Variants in IPO5 observed in about 807,000 individuals in gnomAD.
IPO5 encodes the protein importin 5, also known as importin-5.
Under a neutral mutation model 143.3 loss-of-function variants are expected in IPO5, and 18 were observed. The ratio of observed to expected loss-of-function variants is 0.13; its 90% CI spans 0.09 to 0.19. IPO5 has a LOEUF of 0.19. Among genes scored for constraint, IPO5 ranks in the 10% least tolerant of loss-of-function variants. The pLI is 1.00. For synonymous variants in IPO5, 477 were observed against 465.7 expected (o/e 1.02, Z -0.31); for missense variants, 1,013 against 1,336.9 (o/e 0.76, Z 3.78).
At chr13:98,004,978 C>T (rs1313361040) in intron 16 of IPO5, among the ~76,000 whole-genome samples, 5 of 152,034 alleles carry the variant, frequency 3.3e-5, no homozygotes, top group South Asian at 2.1e-4. Flanking sequence ...TCACCGCAAC[C>T]GCCGTCTCCC....
At position 98,006,139 on chromosome 13, in the gene IPO5, A is replaced by G; in HGVS notation, c.1507A>G (p.Lys503Glu). ...TGTGTCTTCCTTCTAGCTGATTCAG[A>G]AAGGCACCAAGTTAGTTTTGGAACA... ...MVLKLQELIQ[K>E]GTKLVLEQVV... The change falls in exon 17 of 29, where the codon AAA becomes GAA. Residue 503 changes from lysine (K) to glutamate (E), a missense_variant. Lys to Glu is a moderately conservative substitution (Grantham distance 56, BLOSUM62 1). Transcript: ENST00000651721. 1.2e-6 allele frequency: 2 copies of G among 1,611,612 alleles called. No homozygotes were observed. The highest frequency in any genetic ancestry group is 1.7e-6 in the Non-Finnish European group (2 of 1,177,914).
At chr13:97,966,847 T>G (rs1203117921) in intron 2 of IPO5, among the ~76,000 whole-genome samples, 1 of 152,076 alleles carries the variant, frequency 6.6e-6, no homozygotes, top group African/African-American at 2.4e-5. Context: ...AAGACCAACC[T>G]GACTACAGTG....
At chr13:97,980,362 T>C in intron 4 of IPO5, among the ~76,000 whole-genome samples, 1 of 152,156 alleles carries the variant, frequency 6.6e-6, no homozygotes, top group Admixed American at 6.5e-5. Flanking sequence ...TACTAAACTC[T>C]CCCACCATTG....
intron 2 of IPO5, among the ~76,000 whole-genome samples, chr13:97,962,357 C>T (rs1434880407): frequency 6.6e-6 from 1 of 152,106 alleles, no homozygotes; most frequent in Non-Finnish European, 1.5e-5. Context: ...ATAGTTTTAG[C>T]TCTTACATTT....
intron 12 of IPO5, among the ~76,000 whole-genome samples, chr13:97,998,600 C>A (rs1414529931): frequency 7.2e-5 from 11 of 152,156 alleles, no homozygotes; most frequent in Admixed American, 6.5e-4. Context: ...GAAAAGTCAA[C>A]CAAAATCTGT....
In IPO5 at chr13:98,003,055, T is replaced by C. The variant is rs565405712; in HGVS notation, c.1497+18T>C. On this transcript the variant is annotated intron_variant, in intron 16 of 28. Transcript: ENST00000651721. ...TTCAAGAGGTAAGTTTTAAGATCTGTAGGCTGCTTTCTGTTTGTAGATTAA... is the reference window on the plus strand; with the variant it reads ...TTCAAGAGGTAAGTTTTAAGATCTGCAGGCTGCTTTCTGTTTGTAGATTAA... 2.5e-6 allele frequency: 4 copies of C among 1,578,106 alleles called. No individual in the cohort carries two copies. The African/African-American group carries it at 4.1e-5, about 16-fold the overall frequency.
intron 3 of IPO5, among the ~76,000 whole-genome samples, chr13:97,973,767 C>T (rs1886028639): frequency 6.6e-6 from 1 of 152,112 alleles, no homozygotes; most frequent in African/African-American, 2.4e-5. Flanking sequence ...TACGCTTTGC[C>T]TCGTTAAAAA....
At chr13:97,957,246 G>A (rs1884525066) in intron 2 of IPO5, among the ~76,000 whole-genome samples, 1 of 151,582 alleles carries the variant, frequency 6.6e-6, no homozygotes, top group Non-Finnish European at 1.5e-5. Flanking sequence ...TGCCCAGGCT[G>A]GAGTGCAGTG....
At position 98,006,443 on chromosome 13, in the gene IPO5, C is replaced by T. The variant is rs541682233; in HGVS notation, c.1716+95C>T. The T allele has an allele frequency of 6.1e-3, 4,361 of 713,534 alleles. 28 individuals carry two copies. Among genetic ancestry groups the T allele is most frequent in the Middle Eastern group, 8.8e-3 (20 of 2,272 alleles). 44.2% of individuals were successfully genotyped at this position (713,534 alleles called of 1,614,324 possible). Reference sequence around the variant, plus strand: ...AGGCTGGAGTGCAGTGGCACGATCTCGGCTCACTGCAAACTCTGCCTCCCA... The same window carrying T: ...AGGCTGGAGTGCAGTGGCACGATCTTGGCTCACTGCAAACTCTGCCTCCCA... On this transcript the variant is annotated intron_variant, in intron 17 of 28. Coordinates refer to ENST00000651721, the MANE Select transcript of IPO5 (RefSeq NM_002271.6).
chr13:98,022,098 G>A lies in IPO5; in HGVS notation c.*276G>A. 1 of 283,616 alleles carries A rather than the reference G, an allele frequency of 3.5e-6. No individual in the cohort carries two copies. The highest frequency in any genetic ancestry group is 5.8e-5 in the East Asian group (1 of 17,110). 17.6% of individuals were successfully genotyped at this position (283,616 alleles called of 1,614,324 possible). On this transcript the variant is annotated 3_prime_UTR_variant, in exon 29 of 29. Coordinates refer to ENST00000651721, the MANE Select transcript of IPO5 (RefSeq NM_002271.6). ...ATAACCCGCCCACCTGAAGGGGAAA[G>A]GGAAATCAAATTAATTTTTCTCGTT...
At position 97,985,573 on chromosome 13, in the gene IPO5, A is replaced by C. The variant is rs369973919; in HGVS notation, c.324A>C (p.Lys108Asn). The C allele has an allele frequency of 6.2e-7, 1 of 1,614,096 alleles. No individual in the cohort carries two copies. Among genetic ancestry groups the C allele is most frequent in the Non-Finnish European group, 8.5e-7 (1 of 1,180,006 alleles). ...AAACACAATCTAGCATGAGGAAAAA[A>C]GTTTGTGATATTGCGGCAGAACTGG... ...QMETQSSMRKKVCDIAAELAR... is the reference protein window; with the variant it reads ...QMETQSSMRKNVCDIAAELAR... The change falls in exon 6 of 29, where the codon AAA (lysine) becomes AAC (asparagine). Residue 108 changes from lysine to asparagine, a missense_variant. Lys to Asn is a moderately conservative substitution (Grantham distance 94, BLOSUM62 0). Around this residue, in one of 2 missense-constraint regions of IPO5, gnomAD observed 328 missense variants for 342.0 expected, o/e 0.96. Transcript: ENST00000651721.
At chr13:97,992,243 T>G (rs911693710) in intron 9 of IPO5, among the ~76,000 whole-genome samples, 1 of 152,234 alleles carries the variant, frequency 6.6e-6, no homozygotes, top group African/African-American at 2.4e-5. Flanking sequence ...ACCACAACTT[T>G]TAAGAGTTGT....
chr13:97,973,809 C>T (rs1201040981), intron 3 of IPO5, among the ~76,000 whole-genome samples: 1 of 152,174 alleles, frequency 6.6e-6, no homozygotes, highest in Non-Finnish European at 1.5e-5. Flanking sequence ...GTGGCGGAGG[C>T]CTGTAATCCT....
At chr13:97,989,292 G>T in intron 7 of IPO5, 128 bp downstream of exon 7, 1 of 522,256 alleles carries the variant, frequency 1.9e-6, no homozygotes, top group South Asian at 3.4e-5. Flanking sequence ...CATAAGTTTT[G>T]TTTGTATTTG....
intron 2 of IPO5, among the ~76,000 whole-genome samples, chr13:97,964,264 T>A (rs1373956108): frequency 6.6e-6 from 1 of 152,094 alleles, no homozygotes; most frequent in Non-Finnish European, 1.5e-5. Flanking sequence ...ATGAAGTCAT[T>A]GCCCATGCCT....
intron 16 of IPO5, among the ~76,000 whole-genome samples, chr13:98,005,692 AG>A (rs1223517145): frequency 4.6e-5 from 7 of 151,976 alleles, no homozygotes; most frequent in African/African-American, 1.7e-4. Context: ...TTCTGGGGAG[AG>A]GGGGTTAGAA....
intron 7 of IPO5, among the ~76,000 whole-genome samples, chr13:97,989,810 T>G (rs1469629368): frequency 6.6e-6 from 1 of 152,196 alleles, no homozygotes. Flanking sequence ...AGTTTTCATC[T>G]GAAAACCTGT....
chr13:98,019,697 G>C lies in IPO5; in HGVS notation c.2953G>C (p.Asp985His). Residue 985 changes from aspartate to histidine, a missense_variant, in exon 27 of 29, where the codon GAC becomes CAC. This residue lies in a region of IPO5 where 685 missense variants were observed against 994.9 expected (regional missense o/e 0.69). Transcript: ENST00000651721. ...AGGGAAAATCATGAAGTTCAAGCCT[G>C]ACTGTGTAAACGTTGAAGAGGTCCT... is the stretch of plus-strand genomic sequence containing the variant. ...AVGKIMKFKPDCVNVEEVLPH... is the reference protein window; with the variant it reads ...AVGKIMKFKPHCVNVEEVLPH... 6.2e-7 allele frequency: 1 copy of C among 1,613,926 alleles called. No homozygotes were observed. Among genetic ancestry groups the C allele is most frequent in the Non-Finnish European group, 8.5e-7 (1 of 1,179,790 alleles).
intron 2 of IPO5, among the ~76,000 whole-genome samples, chr13:97,956,995 T>C (rs915284530): frequency 1.3e-5 from 2 of 152,230 alleles, no homozygotes; most frequent in Non-Finnish European, 2.9e-5. Context: ...CCAATATCGC[T>C]GATTTTACAT....
Sources: allele counts gnomAD v4.1 joint callset (sites outside exome capture counted in the v4.1 genomes callset), GRCh38; gene constraint gnomAD v4.1.1; regional missense constraint gnomAD v4.1.1; transcripts MANE v1.5; gene names NCBI Gene and HGNC (gene_info 2026-07-23, HGNC 2026-07-21).